The following KCNH7 variants were observed in gnomAD, a reference collection of about 807,000 sequenced individuals.
KCNH7 encodes the protein voltage-gated inwardly rectifying potassium channel KCNH7.
A neutral mutation model predicts 120.8 loss-of-function variants in KCNH7; 49 were observed. The ratio of observed to expected loss-of-function variants is 0.41; its 90% CI spans 0.32 to 0.51. The LOEUF (loss-of-function observed/expected upper bound fraction) is 0.51, where lower values mean the gene tolerates loss of function less well. Ranked by LOEUF, KCNH7 falls within the 20% of genes least tolerant of loss-of-function variation. KCNH7 has a pLI of 0.38. For missense variants in KCNH7, 1,097 were observed against 1,446.6 expected (o/e 0.76, Z 3.92); for synonymous variants, 547 against 516.1 (o/e 1.06, Z -0.81).
chr2:162,712,514 T>C (rs947494954), intron 2 of KCNH7, among the ~76,000 whole-genome samples: 2 of 152,178 alleles, frequency 1.3e-5, no homozygotes, highest in Non-Finnish European at 2.9e-5. Flanking sequence ...ATACAGTTAT[T>C]CGTCTAAACT....
At chr2:162,397,317 T>C (rs1201044270) in intron 10 of KCNH7, among the ~76,000 whole-genome samples, 1 of 151,724 alleles carries the variant, frequency 6.6e-6, no homozygotes, top group African/African-American at 2.4e-5. Context: ...CTGCAGTGAG[T>C]CAGATTCATG....
intron 6 of KCNH7, among the ~76,000 whole-genome samples, chr2:162,449,787 A>G (rs969755171): frequency 7.9e-5 from 12 of 152,102 alleles, no homozygotes; most frequent in African/African-American, 2.9e-4. Context: ...AGAATTGTGC[A>G]AAAATAAACT....
chr2:162,661,721 G>C (rs1051311918), intron 2 of KCNH7, among the ~76,000 whole-genome samples: 2 of 151,900 alleles, frequency 1.3e-5, no homozygotes, highest in Non-Finnish European at 2.9e-5. Flanking sequence ...AACTTCATGG[G>C]ATAAAGGTCA....
chr2:162,759,243 G>A (rs1688888380), intron 2 of KCNH7, among the ~76,000 whole-genome samples: 1 of 152,118 alleles, frequency 6.6e-6, no homozygotes, highest in African/African-American at 2.4e-5. Flanking sequence ...CCAAGTCAGA[G>A]GAGTAAATTG....
rs1164964788 is a variant in KCNH7, at chr2:162,580,808, C to T, written c.308-43728G>A. 2.0e-5 allele frequency among the ~76,000 whole-genome samples: 3 copies of T among 151,908 alleles called. No individual in the cohort carries two copies. The East Asian group carries it at 5.8e-4, about 30-fold the overall frequency. ...TTGGTTTGGGGTAGGAAATAGAGGGCACAAACTCAAGGAGAGCAACCCTGT... is the reference window on the plus strand; with the variant it reads ...TTGGTTTGGGGTAGGAAATAGAGGGTACAAACTCAAGGAGAGCAACCCTGT... On this transcript the variant is annotated intron_variant, in intron 2 of 15. Coordinates refer to ENST00000332142, the MANE Select transcript of KCNH7 (RefSeq NM_033272.4).
intron 2 of KCNH7, among the ~76,000 whole-genome samples, chr2:162,627,641 C>T (rs1446961184): frequency 6.6e-6 from 1 of 152,062 alleles, no homozygotes; most frequent in Non-Finnish European, 1.5e-5. Context: ...ACAATGAAAA[C>T]TTTAATACAT....
At chr2:162,794,024 A>G (rs1217152368) in intron 2 of KCNH7, among the ~76,000 whole-genome samples, 1 of 152,036 alleles carries the variant, frequency 6.6e-6, no homozygotes, top group East Asian at 1.9e-4. Flanking sequence ...ACATGTATCA[A>G]TACATCACAT....
At chr2:162,671,447 A>C (rs987288705) in intron 2 of KCNH7, among the ~76,000 whole-genome samples, 9 of 151,750 alleles carry the variant, frequency 5.9e-5, no homozygotes, top group African/African-American at 1.7e-4. Flanking sequence ...TCCTAAGTGA[A>C]ATGACTCAGA....
rs188476929 is a variant in KCNH7, at chr2:162,836,489, C to A, written c.307+48G>T. 7.5e-5 allele frequency: 111 copies of A among 1,472,304 alleles called. No individual in the cohort carries two copies. In the African/African-American group the frequency reaches 1.0e-3, roughly 14 times the overall value. The allele number at this position is 1,472,304 out of a possible 1,614,324, so 91.2% of individuals were successfully genotyped here. A position where few individuals can be genotyped will look rare whatever the true frequency, so the allele number is the denominator to read the frequency against. ...TATGAACTTTTAATAGTCAAAATTTCTTTTCAATGGGATCAAATAGAAGGA... is the reference window on the plus strand; with the variant it reads ...TATGAACTTTTAATAGTCAAAATTTATTTTCAATGGGATCAAATAGAAGGA... On this transcript the variant is annotated intron_variant, in intron 2 of 15. Coordinates refer to ENST00000332142, the MANE Select transcript of KCNH7 (RefSeq NM_033272.4).
chr2:162,572,014 A>C (rs577785512), intron 2 of KCNH7, among the ~76,000 whole-genome samples: 66 of 151,808 alleles, frequency 4.3e-4, no homozygotes, highest in African/African-American at 1.5e-3. Context: ...AAACACCAAA[A>C]GCAATGGCAA....
chr2:162,713,058 G>A lies in KCNH7; in HGVS notation c.307+123479C>T, dbSNP rs147260435. On this transcript the variant is annotated intron_variant, in intron 2 of 15. Coordinates refer to ENST00000332142, the MANE Select transcript of KCNH7 (RefSeq NM_033272.4). Reference sequence around the variant, plus strand: ...TCCTGCCTCAGGCTCCCAAGTAGCTGAGATTACAGGCACCCACCACCACAC... The same window carrying A: ...TCCTGCCTCAGGCTCCCAAGTAGCTAAGATTACAGGCACCCACCACCACAC... Among the ~76,000 whole-genome samples the A allele has an allele frequency of 1.8e-4, 28 of 152,226 alleles. No individual in the cohort carries two copies. The East Asian group carries it at 5.4e-3, about 30-fold the overall frequency.
intron 2 of KCNH7, among the ~76,000 whole-genome samples, chr2:162,682,585 AG>A (rs1166346276): frequency 6.6e-6 from 1 of 151,892 alleles, no homozygotes; most frequent in Admixed American, 6.6e-5. Flanking sequence ...CAAAAGACAT[AG>A]GTATTATAAC....
At chr2:162,829,935 A>G (rs1685416751) in intron 2 of KCNH7, among the ~76,000 whole-genome samples, 1 of 150,546 alleles carries the variant, frequency 6.6e-6, no homozygotes, top group South Asian at 2.1e-4. Context: ...CTCACTTCGT[A>G]CTAGTTACCC....
At chr2:162,415,812 G>A (rs1008678929) in intron 9 of KCNH7, among the ~76,000 whole-genome samples, 2 of 152,144 alleles carry the variant, frequency 1.3e-5, no homozygotes, top group African/African-American at 4.8e-5. Flanking sequence ...TATTTAGAAA[G>A]CATGGGATAT....
intron 2 of KCNH7, among the ~76,000 whole-genome samples, chr2:162,640,197 T>C (rs1377228888): frequency 6.6e-6 from 1 of 152,170 alleles, no homozygotes; most frequent in Non-Finnish European, 1.5e-5. Flanking sequence ...ATAGACAATA[T>C]TGCATGAATT....
intron 2 of KCNH7, among the ~76,000 whole-genome samples, chr2:162,811,151 T>C (rs1684720538): frequency 6.6e-6 from 1 of 152,138 alleles, no homozygotes. Flanking sequence ...GAGTCATGAA[T>C]TGAATACTAT....
At chr2:162,709,137 C>G (rs34077939) in intron 2 of KCNH7, among the ~76,000 whole-genome samples, 1 of 151,852 alleles carries the variant, frequency 6.6e-6, no homozygotes, top group Non-Finnish European at 1.5e-5. Flanking sequence ...AAAATAGAGA[C>G]GGTATTAGTA....
At chr2:162,567,863 G>A (rs1180439003) in intron 2 of KCNH7, among the ~76,000 whole-genome samples, 2 of 152,114 alleles carry the variant, frequency 1.3e-5, no homozygotes, top group South Asian at 2.1e-4. Flanking sequence ...GGTCCCATAA[G>A]ATTATAATAC....
chr2:162,426,374 T>A (rs747131845), intron 8 of KCNH7, among the ~76,000 whole-genome samples: 1 of 152,160 alleles, frequency 6.6e-6, no homozygotes, highest in Admixed American at 6.6e-5. Flanking sequence ...AAAATACTTA[T>A]GTTCTGTACA....
Sources: gnomAD v4.1 joint callset for allele counts (sites outside exome capture counted in the v4.1 genomes callset) on GRCh38, gnomAD v4.1.1 for gene constraint, MANE v1.5 for transcripts, NCBI Gene and HGNC (gene_info 2026-07-23, HGNC 2026-07-21) for gene names.